Variants in LRRC4C observed in about 807,000 individuals in gnomAD.
LRRC4C encodes the protein leucine rich repeat containing 4C.
Under a neutral mutation model 33.6 loss-of-function variants are expected in LRRC4C, and 5 were observed. That is an observed-to-expected ratio of 0.15 (90% CI 0.08 to 0.31). The LOEUF (loss-of-function observed/expected upper bound fraction) is 0.31, where lower values mean the gene tolerates loss of function less well. Among genes scored for constraint, LRRC4C ranks in the 10% least tolerant of loss-of-function variants. The pLI is 1.00. For missense variants in LRRC4C, 560 were observed against 796.7 expected, an observed-to-expected ratio of 0.70 and a Z score of 3.58; for synonymous variants, 329 against 302.0, an observed-to-expected ratio of 1.09 and a Z score of -0.93.
chr11:40,244,121 G>A (rs1454577131), intron 4 of LRRC4C, among the ~76,000 whole-genome samples: 1 of 152,096 alleles, frequency 6.6e-6, no homozygotes, highest in Admixed American at 6.6e-5. Context: ...TTAAGTAGTG[G>A]AGATGCACAA....
chr11:40,561,032 A>G (rs1957526460), intron 3 of LRRC4C, among the ~76,000 whole-genome samples: 1 of 152,212 alleles, frequency 6.6e-6, no homozygotes, highest in Non-Finnish European at 1.5e-5. Flanking sequence ...TAACACATTA[A>G]TGTAGTTTGA....
At chr11:41,029,398 G>A (rs1224493497) in intron 1 of LRRC4C, among the ~76,000 whole-genome samples, 1 of 151,638 alleles carries the variant, frequency 6.6e-6, no homozygotes, top group Non-Finnish European at 1.5e-5. Context: ...ATATTCTAAG[G>A]GGTATATTGC....
At chr11:40,325,498 C>T (rs1459686288) in intron 3 of LRRC4C, among the ~76,000 whole-genome samples, 4 of 152,070 alleles carry the variant, frequency 2.6e-5, no homozygotes, top group African/African-American at 7.2e-5. Context: ...TTTGGTGGCA[C>T]ATGCCTATAG....
At chr11:40,486,412 C>T (rs1452956610) in intron 3 of LRRC4C, among the ~76,000 whole-genome samples, 1 of 151,870 alleles carries the variant, frequency 6.6e-6, no homozygotes, top group Non-Finnish European at 1.5e-5. Flanking sequence ...ACACAGTCAA[C>T]ATCAGGGGGA....
chr11:40,470,228 T>C (rs1471972744), intron 3 of LRRC4C, among the ~76,000 whole-genome samples: 2 of 152,160 alleles, frequency 1.3e-5, no homozygotes, highest in Admixed American at 6.5e-5. Flanking sequence ...CTGCTGGTGA[T>C]ACCCAGGCAA....
At chr11:40,849,660 T>C (rs1591881743) in intron 2 of LRRC4C, among the ~76,000 whole-genome samples, 1 of 152,254 alleles carries the variant, frequency 6.6e-6, no homozygotes, top group East Asian at 1.9e-4. Context: ...GTGTTCTCTG[T>C]ATTCCCAGAA....
intron 4 of LRRC4C, among the ~76,000 whole-genome samples, chr11:40,261,017 A>G (rs1292332287): frequency 6.6e-6 from 1 of 152,112 alleles, no homozygotes; most frequent in Non-Finnish European, 1.5e-5. Flanking sequence ...AGTAGCTAGG[A>G]CTACTGGCAA....
At chr11:40,787,683 G>T (rs1046303616) in intron 2 of LRRC4C, among the ~76,000 whole-genome samples, 2 of 152,106 alleles carry the variant, frequency 1.3e-5, no homozygotes, top group Non-Finnish European at 2.9e-5. Flanking sequence ...AGTTATTTTG[G>T]CAATTTAAAA....
At chr11:41,443,447 T>C (rs941303947) in intron 1 of LRRC4C, among the ~76,000 whole-genome samples, 2 of 152,130 alleles carry the variant, frequency 1.3e-5, no homozygotes, top group African/African-American at 4.8e-5. Context: ...AAGTTGTGGC[T>C]ACAGTGAGCC....
At chr11:40,766,351 G>GC (rs1949456232) in intron 2 of LRRC4C, among the ~76,000 whole-genome samples, 1 of 29,558 alleles carries the variant, frequency 3.4e-5, no homozygotes, top group Non-Finnish European at 5.8e-5. Context: ...TCTTCAGTCT[G>GC]TTAAAAAAAA....
At chr11:41,127,042 T>C (rs1038538445) in intron 1 of LRRC4C, among the ~76,000 whole-genome samples, 1 of 152,216 alleles carries the variant, frequency 6.6e-6, no homozygotes, top group Non-Finnish European at 1.5e-5. Flanking sequence ...TTCCATCTAA[T>C]ACACTTTGAA....
intron 1 of LRRC4C, among the ~76,000 whole-genome samples, chr11:40,970,179 A>G (rs1851628186): frequency 1.3e-5 from 2 of 152,178 alleles, no homozygotes; most frequent in African/African-American, 4.8e-5. Context: ...AGAGATGGTA[A>G]TTGATAAGGT....
At chr11:41,074,932 C>T (rs577679781) in intron 1 of LRRC4C, among the ~76,000 whole-genome samples, 2 of 151,414 alleles carry the variant, frequency 1.3e-5, no homozygotes, top group Non-Finnish European at 2.9e-5. Context: ...TCTGAAAATC[C>T]AAGTCTCGTC....
chr11:40,626,873 C>G (rs979054953), intron 3 of LRRC4C, among the ~76,000 whole-genome samples: 1 of 152,166 alleles, frequency 6.6e-6, no homozygotes, highest in Non-Finnish European at 1.5e-5. Flanking sequence ...AGTGCCACAT[C>G]AGCATGGTGA....
intron 1 of LRRC4C, among the ~76,000 whole-genome samples, chr11:40,947,523 G>A (rs578024656): frequency 1.3e-5 from 2 of 152,088 alleles, no homozygotes; most frequent in South Asian, 4.2e-4. Context: ...CCAGCTGGTG[G>A]GAATAGGAAT....
chr11:40,538,990 T>C (rs1956592904), intron 3 of LRRC4C, among the ~76,000 whole-genome samples: 1 of 151,460 alleles, frequency 6.6e-6, no homozygotes, highest in African/African-American at 2.4e-5. Context: ...GATGGGGTTG[T>C]TTTTTTCTTG....
chr11:40,770,564 C>G (rs528210405), intron 2 of LRRC4C, among the ~76,000 whole-genome samples: 1 of 152,296 alleles, frequency 6.6e-6, no homozygotes, highest in South Asian at 2.1e-4. Context: ...AACTTCTTAA[C>G]TCACTTCAGT....
At chr11:40,446,086 A>C (rs1951621326) in intron 3 of LRRC4C, 1 of 152,184 alleles carries the variant, frequency 6.6e-6, no homozygotes, top group Non-Finnish European at 1.5e-5. Flanking sequence ...CTCTTGGGAC[A>C]TGAGAGCTGA....
intron 3 of LRRC4C, among the ~76,000 whole-genome samples, chr11:40,463,584 T>A (rs75525835): frequency 6.6e-6 from 1 of 152,060 alleles, no homozygotes; most frequent in Non-Finnish European, 1.5e-5. Context: ...AATAACTCAA[T>A]GTAAAAAAGA....
Sources: gnomAD v4.1 joint callset for allele counts (sites outside exome capture counted in the v4.1 genomes callset) on GRCh38, gnomAD v4.1.1 for gene constraint, MANE v1.5 for transcripts, NCBI Gene and HGNC (gene_info 2026-07-23, HGNC 2026-07-21) for gene names.